The following SLC5A9 variants were observed in gnomAD, a reference collection of about 807,000 sequenced individuals.
SLC5A9 encodes solute carrier family 5 member 9.
In SLC5A9, 59 loss-of-function variants were observed where a neutral mutation model predicts 70.9. That is an observed-to-expected ratio of 0.83 (90% confidence interval 0.68 to 1.03). The LOEUF is 1.03. SLC5A9 is among the 50% of genes least tolerant of loss of function. The probability of loss-of-function intolerance (pLI) is 0.00; values close to 1 mark genes in which losing one functional copy is unlikely to be tolerated. For synonymous variants in SLC5A9, 340 were observed against 346.5 expected (o/e 0.98, Z 0.21); for missense variants, 832 against 881.1 (o/e 0.94, Z 0.71).
chr1:48,228,817 A>G lies in SLC5A9; in HGVS notation c.235-33A>G, dbSNP rs372054612. The G allele has an allele frequency of 7.9e-5, 127 of 1,612,064 alleles. 1 individual carries two copies. The highest frequency in any genetic ancestry group is 1.0e-4 in the Admixed American group (6 of 59,984). On this transcript the variant is annotated intron_variant, in intron 2 of 13. Transcript: ENST00000438567. Reference sequence around the variant, plus strand: ...TCCAGATTCATTCAGATCACTCCTGACTCCTGACCCTTGACCCAACTGTGC... The same window carrying G: ...TCCAGATTCATTCAGATCACTCCTGGCTCCTGACCCTTGACCCAACTGTGC...
intron 11 of SLC5A9, 103 bp downstream of exon 11, chr1:48,237,950 A>C: frequency 8.0e-7 from 1 of 1,245,054 alleles, no homozygotes; most frequent in Non-Finnish European, 1.1e-6. Flanking sequence ...CTTCCCCTCT[A>C]GGCTTCCATT....
At position 48,242,515 on chromosome 1, in the gene SLC5A9, C is replaced by G. The variant is rs746921720; in HGVS notation, c.1736C>G (p.Ala579Gly). 3.7e-6 allele frequency: 6 copies of G among 1,613,320 alleles called. No individual in the cohort carries two copies. The highest frequency in any genetic ancestry group is 5.1e-6 in the Non-Finnish European group (6 of 1,179,524). Residue 579 changes from alanine to glycine, a missense_variant, in exon 13 of 14, where the codon GCC becomes GGC. By Grantham distance (60) the Ala-to-Gly change is moderately conservative (BLOSUM62 0). Coordinates refer to ENST00000438567, the MANE Select transcript of SLC5A9 (RefSeq NM_001011547.3). ...NCPLSELEKE[A>G]HESTPEISER... ...CCCCTCTCTGAGCTGGAGAAGGAGG[C>G]CCACGAGAGCACACCGGAGATATCC...
chr1:48,240,478 A>G (rs141349611), intron 12 of SLC5A9: 29 of 152,366 alleles, frequency 1.9e-4, no homozygotes, highest in African/African-American at 6.3e-4. Flanking sequence ...ACAGTCCCTG[A>G]AACACTGAGT....
At chr1:48,226,373 AG>A (rs1644147067) in intron 2 of SLC5A9, among the ~76,000 whole-genome samples, 2 of 152,116 alleles carry the variant, frequency 1.3e-5, no homozygotes, top group African/African-American at 4.8e-5. Flanking sequence ...GAGGAACCTG[AG>A]GCCTCCAAAC....
chr1:48,239,088 A>G lies in SLC5A9; in HGVS notation c.1462-234A>G, dbSNP rs1193312200. On this transcript the variant is annotated intron_variant, in intron 11 of 13. Coordinates refer to ENST00000438567, the MANE Select transcript of SLC5A9 (RefSeq NM_001011547.3). This position sits in a 1 kb window ranked among gnomAD's most constrained non-coding sequence, Gnocchi z 4.2. ...GAGTCATTGGTTCAGTCAGTTCACAATGGAGCCAGGATTCAAATCTTAGTC... is the reference window on the plus strand; with the variant it reads ...GAGTCATTGGTTCAGTCAGTTCACAGTGGAGCCAGGATTCAAATCTTAGTC... Among the ~76,000 whole-genome samples, 1 of 152,220 alleles carries G rather than the reference A, an allele frequency of 6.6e-6. No homozygotes were observed.
Position 48,239,605 on chromosome 1 carries a change from C to A in SLC5A9, c.1677+68C>A. 1 of 1,453,440 alleles carries A rather than the reference C, an allele frequency of 6.9e-7. No homozygotes were observed. The highest frequency in any genetic ancestry group is 1.2e-5 in the South Asian group (1 of 85,852). 90.0% of individuals were successfully genotyped at this position (1,453,440 alleles called of 1,614,324 possible). A position where few individuals can be genotyped will look rare whatever the true frequency, so the allele number is the denominator to read the frequency against. The stretch of plus-strand genomic sequence containing the variant: ...CCTTCCCCCATAGCCTAGAATTCCA[C>A]TGCTGACTTTTACTCTGTTGGGTTA... On this transcript the variant is annotated intron_variant, in intron 12 of 13. Transcript: ENST00000438567. The surrounding 1 kb of genome is among the most constrained non-coding windows in gnomAD (Gnocchi z 4.2).
In SLC5A9 at chr1:48,239,320, A is replaced by G; in HGVS notation, c.1462-2A>G. On this transcript the variant is annotated splice_acceptor_variant, in intron 11 of 13. Coordinates refer to ENST00000438567, the MANE Select transcript of SLC5A9 (RefSeq NM_001011547.3). LOFTEE classifies it high-confidence loss of function. This position sits in a 1 kb window ranked among gnomAD's most constrained non-coding sequence, Gnocchi z 4.2. Reference sequence around the variant, plus strand: ...TCAGCTCTTGTCTGCCCTCTCTCACAGGGAGCTTTCTGGGGCCTCGTGTTT... The same window carrying G: ...TCAGCTCTTGTCTGCCCTCTCTCACGGGGAGCTTTCTGGGGCCTCGTGTTT... The G allele has an allele frequency of 6.2e-7, 1 of 1,607,074 alleles. No individual in the cohort carries two copies.
rs539385800 is a variant in SLC5A9, at chr1:48,239,523, A to T, written c.1663A>T (p.Ile555Phe). Residue 555 changes from isoleucine (I) to phenylalanine (F), a missense_variant, in exon 12 of 14, where the codon ATC becomes TTC. By Grantham distance (21) the Ile-to-Phe change is conservative (BLOSUM62 0). Transcript: ENST00000438567. The surrounding 1 kb of genome is among the most constrained non-coding windows in gnomAD (Gnocchi z 4.2). ...CATTGTCAGCCTCTGTACAACTCCC[A>T]TCCCTGAGGAACAGGCAAGTGTTGT... ...IVIVSLCTTP[I>F]PEEQLTRLTW... 12 of 1,614,110 alleles carry T rather than the reference A, an allele frequency of 7.4e-6. 1 individual carries two copies. In the South Asian group the frequency reaches 1.3e-4, roughly 18 times the overall value.
At position 48,224,742 on chromosome 1, in the gene SLC5A9, C is replaced by G. The variant is rs199760707; in HGVS notation, c.181C>G (p.Arg61Gly). 6.2e-7 allele frequency: 1 copy of G among 1,613,978 alleles called. No homozygotes were observed. Among genetic ancestry groups the G allele is most frequent in the East Asian group, 2.2e-5 (1 of 44,872 alleles). ...VGIWSSIRAS[R>G]GTIGGYFLAG... ...TTTCCAGTCGTCCATCCGTGCAAGT[C>G]GAGGGACCATTGGCGGCTATTTCCT... Residue 61 changes from arginine to glycine, a missense_variant, in exon 2 of 14, where the codon CGA becomes GGA. Coordinates refer to ENST00000438567, the MANE Select transcript of SLC5A9 (RefSeq NM_001011547.3).
At chr1:48,235,558 C>G (rs1005628200) in intron 9 of SLC5A9, among the ~76,000 whole-genome samples, 171 bp from the exon 10 acceptor site, 1 of 152,164 alleles carries the variant, frequency 6.6e-6, no homozygotes, top group Non-Finnish European at 1.5e-5. Flanking sequence ...GCCTCTAGTT[C>G]TGTGGTCTAG....
chr1:48,245,260 G>A (rs1644447938), intron 13 of SLC5A9, among the ~76,000 whole-genome samples: 1 of 151,978 alleles, frequency 6.6e-6, no homozygotes, highest in South Asian at 2.1e-4. Context: ...TTCCCAAAGA[G>A]AAAGAGGAAG....
rs1644362057 is a variant in SLC5A9 at position 48,239,060 on chromosome 1, G to A, written c.1462-262G>A. Among the ~76,000 whole-genome samples, 3 of 152,152 alleles carry A rather than the reference G, an allele frequency of 2.0e-5. No homozygotes were observed. In the South Asian group the frequency reaches 6.2e-4, roughly 32 times the overall value. On this transcript the variant is annotated intron_variant, in intron 11 of 13. Coordinates refer to ENST00000438567, the MANE Select transcript of SLC5A9 (RefSeq NM_001011547.3). The surrounding 1 kb of genome is among the most constrained non-coding windows in gnomAD (Gnocchi z 4.2). Reference sequence around the variant, plus strand: ...AATAAGAAAACTCTGAGTCAGCACGGCCGAGTCATTGGTTCAGTCAGTTCA... The same window carrying A: ...AATAAGAAAACTCTGAGTCAGCACGACCGAGTCATTGGTTCAGTCAGTTCA...
In SLC5A9 at chr1:48,228,675, G is replaced by A. The variant is rs1168333638; in HGVS notation, c.235-175G>A. The A allele has an allele frequency of 5.7e-6, 6 of 1,059,386 alleles. No homozygotes were observed. In the Admixed American group the frequency reaches 1.4e-4, roughly 25 times the overall value. 65.6% of individuals were successfully genotyped at this position (1,059,386 alleles called of 1,614,324 possible). A position where few individuals can be genotyped will look rare whatever the true frequency, so the allele number is the denominator to read the frequency against. ...ATTAGTTCCTTCCTCTGTAACCTGG[G>A]ATGACTAATACCCCTCCCTGCGGAT... is the stretch of plus-strand genomic sequence containing the variant. On this transcript the variant is annotated intron_variant, in intron 2 of 13. Coordinates refer to ENST00000438567, the MANE Select transcript of SLC5A9 (RefSeq NM_001011547.3).
In SLC5A9 at chr1:48,239,567, C is replaced by G; in HGVS notation, c.1677+30C>G. ...GTGTTGTGCTCATACTGAGGCCCTC[C>G]AGAAATGCTCTCCCTTCCCCCATAG... On this transcript the variant is annotated intron_variant, in intron 12 of 13. Transcript: ENST00000438567. This position sits in a 1 kb window ranked among gnomAD's most constrained non-coding sequence, Gnocchi z 4.2. The G allele has an allele frequency of 6.3e-7, 1 of 1,590,160 alleles. No individual in the cohort carries two copies. Among genetic ancestry groups the G allele is most frequent in the East Asian group, 2.2e-5 (1 of 44,746 alleles).
At chr1:48,227,437 T>A (rs1317811194) in intron 2 of SLC5A9, among the ~76,000 whole-genome samples, 1 of 134,676 alleles carries the variant, frequency 7.4e-6, no homozygotes, top group East Asian at 2.4e-4. Flanking sequence ...TCAGAGTGTG[T>A]GTGTGTGTAT....
intron 13 of SLC5A9, among the ~76,000 whole-genome samples, chr1:48,244,560 A>C (rs1236666898): frequency 6.6e-6 from 1 of 151,044 alleles, no homozygotes; most frequent in Non-Finnish European, 1.5e-5. Context: ...CCAGTATAAA[A>C]AGCTATTCAT....
chr1:48,247,315 T>C lies in SLC5A9; in HGVS notation c.1838-20T>C, dbSNP rs1192985730. The C allele has an allele frequency of 6.2e-7, 1 of 1,611,682 alleles. No individual in the cohort carries two copies. Among genetic ancestry groups the C allele is most frequent in the East Asian group, 2.2e-5 (1 of 44,778 alleles). Reference sequence around the variant, plus strand: ...CTCTCCCCTCCTGCTCTCCTTTGTCTTCTGGCTTTGTCCCTCCAGCCCCAA... The same window carrying C: ...CTCTCCCCTCCTGCTCTCCTTTGTCCTCTGGCTTTGTCCCTCCAGCCCCAA... On this transcript the variant is annotated intron_variant, in intron 13 of 13. Transcript: ENST00000438567.
chr1:48,227,592 TG>T (rs750986134), intron 2 of SLC5A9, among the ~76,000 whole-genome samples: 2 of 148,352 alleles, frequency 1.3e-5, no homozygotes, highest in African/African-American at 2.5e-5. Flanking sequence ...GTACTGTGCC[TG>T]TGTGTGTGAT....
At chr1:48,227,628 A>AGT (rs767936218) in intron 2 of SLC5A9, among the ~76,000 whole-genome samples, 1 of 146,598 alleles carries the variant, frequency 6.8e-6, no homozygotes, top group African/African-American at 2.5e-5. Context: ...CATGTGTGAG[A>AGT]GTGTGTGTGT....
Sources: allele counts gnomAD v4.1 joint callset (sites outside exome capture counted in the v4.1 genomes callset), GRCh38; gene constraint gnomAD v4.1.1; non-coding constraint Gnocchi (gnomAD v3.1); transcripts MANE v1.5; gene names NCBI Gene and HGNC (gene_info 2026-07-23, HGNC 2026-07-21).